PHTF1: variants seen among roughly 807,000 people sequenced by gnomAD.
PHTF1 encodes the protein putative homeodomain transcription factor 1.
Under a neutral mutation model 102.4 loss-of-function variants are expected in PHTF1, and 88 were observed. The ratio of observed to expected loss-of-function variants is 0.86; its 90% CI spans 0.72 to 1.03. The LOEUF (loss-of-function observed/expected upper bound fraction) is 1.03, where lower values mean the gene tolerates loss of function less well. Ranked by LOEUF, PHTF1 falls within the 50% of genes least tolerant of loss-of-function variation. The probability of loss-of-function intolerance (pLI) is 0.00; values close to 1 mark genes in which losing one functional copy is unlikely to be tolerated. For synonymous variants in PHTF1, 289 were observed against 305.2 expected, an observed-to-expected ratio of 0.95 and a Z score of 0.55; for missense variants, 814 against 909.5, an observed-to-expected ratio of 0.89 and a Z score of 1.35.
chr1:113,735,514 ATGAAT>A (rs1655362776), intron 5 of PHTF1, among the ~76,000 whole-genome samples: 1 of 151,954 alleles, frequency 6.6e-6, no homozygotes, highest in African/African-American at 2.4e-5. Context: ...TGCCCATATG[ATGAAT>A]TATTATGCAG....
At chr1:113,709,462 A>G (rs1026481275) in intron 11 of PHTF1, among the ~76,000 whole-genome samples, 1 of 152,202 alleles carries the variant, frequency 6.6e-6, no homozygotes, top group Non-Finnish European at 1.5e-5. Context: ...AATCATAACA[A>G]TCATTGACAT....
chr1:113,701,826 T>TAAAACAAAAAAAAAAAAAAAAAA (rs1649471228), intron 15 of PHTF1, among the ~76,000 whole-genome samples: 1 of 27,986 alleles, frequency 3.6e-5, no homozygotes, highest in Non-Finnish European at 6.6e-5. Context: ...CAATTCCTGG[T>TAAAACAAAAAAAAAAAAAAAAAA]AAAAAAAAAA....
At chr1:113,736,198 T>G (rs930097715) in intron 5 of PHTF1, among the ~76,000 whole-genome samples, 1 of 151,358 alleles carries the variant, frequency 6.6e-6, no homozygotes, top group Admixed American at 6.6e-5. Context: ...AAAAATTAGC[T>G]GGGCGTGGTG....
chr1:113,731,880 G>C (rs1463137865), intron 5 of PHTF1, among the ~76,000 whole-genome samples: 1 of 136,524 alleles, frequency 7.3e-6, no homozygotes, highest in Non-Finnish European at 1.5e-5. Context: ...CTGGGCAACA[G>C]AGCAAGACGC....
At chr1:113,737,887 C>T (rs1467942751) in intron 5 of PHTF1, among the ~76,000 whole-genome samples, 1 of 152,188 alleles carries the variant, frequency 6.6e-6, no homozygotes, top group African/African-American at 2.4e-5. Flanking sequence ...GCCAGTGAGA[C>T]AGGTAGAAAG....
intron 5 of PHTF1, among the ~76,000 whole-genome samples, chr1:113,729,977 A>G (rs1053564803): frequency 6.6e-6 from 1 of 152,202 alleles, no homozygotes; most frequent in Non-Finnish European, 1.5e-5. Flanking sequence ...AAACACTCCT[A>G]TACCTCTCCT....
At chr1:113,732,399 G>A (rs1557947695) in intron 5 of PHTF1, among the ~76,000 whole-genome samples, 2 of 152,230 alleles carry the variant, frequency 1.3e-5, no homozygotes, top group South Asian at 4.2e-4. Context: ...GGGAGGCTGA[G>A]GTAGGAGAAT....
intron 3 of PHTF1, among the ~76,000 whole-genome samples, chr1:113,751,589 A>T (rs1209836349): frequency 6.6e-6 from 1 of 152,216 alleles, no homozygotes; most frequent in East Asian, 1.9e-4. Flanking sequence ...ATTTGTTTAT[A>T]CCAATTGATT....
At chr1:113,716,715 A>G (rs970545177) in intron 7 of PHTF1, among the ~76,000 whole-genome samples, 9 of 152,202 alleles carry the variant, frequency 5.9e-5, no homozygotes, top group Admixed American at 4.6e-4. Flanking sequence ...CCCAACAAAA[A>G]TAAACTTCAA....
chr1:113,753,967 A>G (rs1301085136), intron 3 of PHTF1, among the ~76,000 whole-genome samples: 1 of 152,232 alleles, frequency 6.6e-6, no homozygotes, highest in African/African-American at 2.4e-5. Context: ...CACCATGCCC[A>G]GCAACTAGGC....
intron 5 of PHTF1, among the ~76,000 whole-genome samples, chr1:113,733,119 G>C (rs1157459890): frequency 1.5e-5 from 2 of 129,428 alleles, no homozygotes; most frequent in Admixed American, 1.0e-4. Context: ...TTCCCAGGCT[G>C]GTCTCAAACT....
At chr1:113,702,168 C>G (rs1257363509) in intron 15 of PHTF1, among the ~76,000 whole-genome samples, 1 of 151,972 alleles carries the variant, frequency 6.6e-6, no homozygotes, top group Non-Finnish European at 1.5e-5. Context: ...TTCTAAGGGC[C>G]TAGCATTATC....
intron 5 of PHTF1, among the ~76,000 whole-genome samples, chr1:113,730,012 T>C (rs965749129): frequency 6.6e-6 from 1 of 152,208 alleles, no homozygotes; most frequent in African/African-American, 2.4e-5. Flanking sequence ...GTTGCTATAA[T>C]GCAACTATAA....
chr1:113,752,675 C>A (rs939935124), intron 3 of PHTF1, among the ~76,000 whole-genome samples: 8 of 152,110 alleles, frequency 5.3e-5, no homozygotes, highest in African/African-American at 1.9e-4. Context: ...TGAGCCACTG[C>A]GCCCAGCCTA....
chr1:113,750,890 G>A (rs1371542183), intron 3 of PHTF1, among the ~76,000 whole-genome samples: 1 of 151,162 alleles, frequency 6.6e-6, no homozygotes, highest in Non-Finnish European at 1.5e-5. Context: ...TCTTATTTTA[G>A]GCTTATTTTG....
chr1:113,750,806 T>C (rs1657960770), intron 3 of PHTF1, among the ~76,000 whole-genome samples: 1 of 147,196 alleles, frequency 6.8e-6, no homozygotes, highest in Non-Finnish European at 1.5e-5. Flanking sequence ...CTGTGAGCAC[T>C]GCACTCCAGC....
chr1:113,737,720 G>A (rs992236128), intron 5 of PHTF1, among the ~76,000 whole-genome samples: 6 of 152,084 alleles, frequency 3.9e-5, no homozygotes, highest in African/African-American at 9.7e-5. Context: ...GATTGCTTGC[G>A]TCTGGGAGGT....
chr1:113,724,893 T>C lies in PHTF1; in HGVS notation c.489A>G (p.Arg163=), dbSNP rs1653592641. ...CACCATTTACAGTTTTTCGTAATTT[T>C]CTACAAAAAAAAATTTCAATAACTT... ...PSGNNGNRRR[R]KLRKTVNGDG... Residue 163 remains arginine, a splice_region_variant and synonymous_variant, in exon 7 of 19, where the codon AGA becomes AGG. Coordinates refer to ENST00000369604, the MANE Select transcript of PHTF1 (RefSeq NM_001323043.2). 2 of 1,587,154 alleles carry C rather than the reference T, an allele frequency of 1.3e-6. No individual in the cohort carries two copies. The highest frequency in any genetic ancestry group is 1.2e-5 in the South Asian group (1 of 85,684).
intron 3 of PHTF1, among the ~76,000 whole-genome samples, chr1:113,741,985 C>T (rs1656438385): frequency 1.3e-5 from 2 of 152,144 alleles, no homozygotes; most frequent in South Asian, 2.1e-4. Flanking sequence ...ACATTCCATA[C>T]TTTAGAATCC....
Sources: allele counts gnomAD v4.1 joint callset (sites outside exome capture counted in the v4.1 genomes callset), GRCh38; gene constraint gnomAD v4.1.1; transcripts MANE v1.5; gene names NCBI Gene and HGNC (gene_info 2026-07-23, HGNC 2026-07-21).